KCNAB2: variants seen among roughly 807,000 people sequenced by gnomAD.
KCNAB2 encodes voltage-gated potassium channel subunit beta-2.
Under a neutral mutation model 63.6 loss-of-function variants are expected in KCNAB2, and 29 were observed. The ratio of observed to expected loss-of-function variants is 0.46; its 90% CI spans 0.34 to 0.62. The LOEUF (loss-of-function observed/expected upper bound fraction) is 0.62. Ranked by LOEUF, KCNAB2 falls within the 20% of genes least tolerant of loss-of-function variation. KCNAB2 has a pLI of 0.01. For synonymous variants in KCNAB2, 222 were observed against 224.2 expected (o/e 0.99, Z 0.09); for missense variants, 359 against 563.9 (o/e 0.64, Z 3.68).
chr1:6,084,918 G>A (rs1400386591), intron 5 of KCNAB2, among the ~76,000 whole-genome samples: 1 of 152,224 alleles, frequency 6.6e-6, no homozygotes, highest in African/African-American at 2.4e-5. Context: ...CTCGACAGCA[G>A]CTCCTTCCTT....
intron 2 of KCNAB2, among the ~76,000 whole-genome samples, chr1:6,065,588 A>G (rs927766284): frequency 1.3e-5 from 2 of 152,070 alleles, no homozygotes; most frequent in African/African-American, 4.8e-5. Context: ...CTCCGGCTCC[A>G]CAAGTGACAC....
At position 6,071,244 on chromosome 1, in the gene KCNAB2, G is replaced by A. The variant is rs752071666; in HGVS notation, c.219-1511G>A. The stretch of plus-strand genomic sequence containing the variant: ...ATAAACTGAGGACATCGCATCCTCC[G>A]AAGTTGGAAGTGTCATGGCCCCAGG... On this transcript the variant is annotated intron_variant, in intron 2 of 15. Coordinates refer to ENST00000378083, the MANE Select transcript of KCNAB2 (RefSeq NM_001199862.2). The surrounding 1 kb of genome is among the most constrained non-coding windows in gnomAD (Gnocchi z 8.5). Among the ~76,000 whole-genome samples, 5 of 152,180 alleles carry A rather than the reference G, an allele frequency of 3.3e-5. No individual in the cohort carries two copies. The highest frequency in any genetic ancestry group is 2.1e-4 in the South Asian group (1 of 4,830).
At chr1:6,085,305 A>G (rs2294936) in intron 6 of KCNAB2, 57 bp downstream of exon 6, 1,014,927 of 1,516,840 alleles carry the variant, frequency 0.67, 342,347 homozygotes, top group African/African-American at 0.77. Flanking sequence ...GAACTATCCC[A>G]GGGTCAGCCT....
In KCNAB2 at chr1:5,999,804, G is replaced by A. The variant is rs531651600; in HGVS notation, c.-53+7016G>A. Among the ~76,000 whole-genome samples, 19 of 152,016 alleles carry A rather than the reference G, an allele frequency of 1.2e-4. No individual in the cohort carries two copies. In the East Asian group the frequency reaches 2.7e-3, roughly 22 times the overall value. ...GCCCTGATTGTACCCCATCTGCACC[G>A]TGTCTGCACCCTGCCTGCGCCCTGT... On this transcript the variant is annotated intron_variant, in intron 1 of 16. Transcript: ENST00000341524.
In KCNAB2 at chr1:5,994,588, G is replaced by A. The variant is rs1162091004; in HGVS notation, c.-53+1800G>A. ...TGTAGGTGCTAGTCAACACCTGGGG[G>A]CTGAGCCAGGCACTGGAGTTGGGGG... On this transcript the variant is annotated intron_variant, in intron 1 of 16. Transcript: ENST00000341524. This position sits in a 1 kb window ranked among gnomAD's most constrained non-coding sequence, Gnocchi z 5.4. Among the ~76,000 whole-genome samples, 1 of 152,206 alleles carries A rather than the reference G, an allele frequency of 6.6e-6. No individual in the cohort carries two copies. The highest frequency in any genetic ancestry group is 2.4e-5 in the African/African-American group (1 of 41,434).
At chr1:6,030,302 G>C (rs1255430850), upstream of KCNAB2, among the ~76,000 whole-genome samples, 1 of 152,188 alleles carries the variant, frequency 6.6e-6, no homozygotes, top group South Asian at 2.1e-4. Context: ...ATATGTAGCA[G>C]GGTGGACTGG....
At chr1:6,079,268 G>A (rs551374996) in intron 4 of KCNAB2, among the ~76,000 whole-genome samples, 26 of 152,258 alleles carry the variant, frequency 1.7e-4, no homozygotes, top group African/African-American at 5.8e-4. Flanking sequence ...GTCTTTGTCG[G>A]CCGCACTTTG....
At chr1:6,033,387 G>A (rs1659791976), upstream of KCNAB2, among the ~76,000 whole-genome samples, 1 of 151,518 alleles carries the variant, frequency 6.6e-6, no homozygotes, top group African/African-American at 2.4e-5. Context: ...GCGTGTATGT[G>A]TGCATTGCAT....
At chr1:6,025,023 G>A (rs1659053597) in intron 1 of KCNAB2, among the ~76,000 whole-genome samples, 1 of 152,280 alleles carries the variant, frequency 6.6e-6, no homozygotes, top group East Asian at 1.9e-4. Context: ...CCGTCATGGC[G>A]CCTCGCTCTT....
upstream of KCNAB2, among the ~76,000 whole-genome samples, chr1:6,032,585 AG>A (rs757806910): frequency 4.2e-5 from 5 of 119,982 alleles, no homozygotes; most frequent in Admixed American, 8.2e-5. Context: ...AAAAAAAAAA[AG>A]AGAGAGAGAG....
chr1:6,018,243 A>C (rs1045398728), intron 1 of KCNAB2, among the ~76,000 whole-genome samples: 9 of 152,128 alleles, frequency 5.9e-5, no homozygotes, highest in Non-Finnish European at 1.2e-4. Flanking sequence ...AGCCAGGCAA[A>C]TGTTTTCATA....
In KCNAB2 at chr1:6,035,554, C is replaced by T. The variant is rs569730637; in HGVS notation, c.-53+760C>T. On this transcript the variant is annotated intron_variant, in intron 1 of 15. Transcript: ENST00000164247. This position sits in a 1 kb window ranked among gnomAD's most constrained non-coding sequence, Gnocchi z 5.0. ...CGGGACGTGGGAGGAAGGGAGGAGT[C>T]GGGGTGACTCCCGGGAGTGGGACTG... Among the ~76,000 whole-genome samples, 3 of 151,892 alleles carry T rather than the reference C, an allele frequency of 2.0e-5. No individual in the cohort carries two copies. Among genetic ancestry groups the T allele is most frequent in the East Asian group, 3.9e-4 (2 of 5,138 alleles).
intron 2 of KCNAB2, among the ~76,000 whole-genome samples, chr1:6,068,290 C>A (rs112120367): frequency 6.6e-6 from 1 of 152,224 alleles, no homozygotes; most frequent in Non-Finnish European, 1.5e-5. Context: ...CATGCACACA[C>A]GTGCGTGCTG....
intron 1 of KCNAB2, among the ~76,000 whole-genome samples, chr1:6,025,189 T>A (rs912689017): frequency 2.0e-5 from 3 of 152,112 alleles, no homozygotes; most frequent in Non-Finnish European, 2.9e-5. Flanking sequence ...TTTATCTTTA[T>A]CCTGCCGGGA....
Position 6,024,964 on chromosome 1 carries a change from G to A in KCNAB2, c.-52-15553G>A, listed in dbSNP as rs1389789086. On this transcript the variant is annotated intron_variant, in intron 1 of 16. Transcript: ENST00000341524. This position sits in a 1 kb window ranked among gnomAD's most constrained non-coding sequence, Gnocchi z 5.4. ...AAAAAGCATGTCATAGTCAGGGTTG[G>A]GAGCAAGGCCCAGAGCTGGCTCAAC... 6.6e-6 allele frequency among the ~76,000 whole-genome samples: 1 copy of A among 152,152 alleles called. No individual in the cohort carries two copies. The highest frequency in any genetic ancestry group is 2.4e-5 in the African/African-American group (1 of 41,420).
chr1:6,015,185 C>T (rs1408527436), intron 1 of KCNAB2, among the ~76,000 whole-genome samples: 1 of 152,074 alleles, frequency 6.6e-6, no homozygotes, highest in Non-Finnish European at 1.5e-5. Flanking sequence ...GTGCCCGCCA[C>T]CATGCCCAGC....
intron 1 of KCNAB2, among the ~76,000 whole-genome samples, chr1:6,012,693 G>C (rs994684805): frequency 6.6e-6 from 1 of 151,864 alleles, no homozygotes; most frequent in Non-Finnish European, 1.5e-5. Context: ...GGTAGTGGTG[G>C]AGGTGATGAA....
rs1663924805 is a variant in KCNAB2, at chr1:6,078,769, C to T, written c.301-3426C>T. On this transcript the variant is annotated intron_variant, in intron 4 of 15. Transcript: ENST00000378083. The surrounding 1 kb of genome is among the most constrained non-coding windows in gnomAD (Gnocchi z 4.2). ...CGAGTCATGAGGATGTCCCAGAGTT[C>T]AGCGTGTGCACGATCCCATGTACTC... 6.6e-6 allele frequency among the ~76,000 whole-genome samples: 1 copy of T among 152,204 alleles called. No homozygotes were observed. Among genetic ancestry groups the T allele is most frequent in the Non-Finnish European group, 1.5e-5 (1 of 68,044 alleles).
intron 1 of KCNAB2, among the ~76,000 whole-genome samples, chr1:6,049,004 C>A (rs1368962762): frequency 6.6e-6 from 1 of 152,220 alleles, no homozygotes; most frequent in East Asian, 1.9e-4. Context: ...TGCCAGGGTA[C>A]CCGCCTGCTT....
Sources: allele counts gnomAD v4.1 joint callset (sites outside exome capture counted in the v4.1 genomes callset), GRCh38; gene constraint gnomAD v4.1.1; non-coding constraint Gnocchi (gnomAD v3.1); transcripts MANE v1.5; gene names NCBI Gene and HGNC (gene_info 2026-07-23, HGNC 2026-07-21).